Variants in IGFN1 observed in about 807,000 individuals in gnomAD.
The protein encoded by IGFN1 is immunoglobulin-like and fibronectin type III domain-containing protein 1.
In IGFN1, 253 loss-of-function variants were observed where a neutral mutation model predicts 289.5. The ratio of observed to expected loss-of-function variants is 0.87; its 90% CI spans 0.79 to 0.97. The LOEUF (loss-of-function observed/expected upper bound fraction) is 0.97. Ranked by LOEUF, IGFN1 falls within the 50% of genes least tolerant of loss-of-function variation. IGFN1 has a pLI of 0.00. For missense variants in IGFN1, 4,470 were observed against 4,686.1 expected, an observed-to-expected ratio of 0.95 and a Z score of 1.35; for synonymous variants, 1,706 against 1,788.5, an observed-to-expected ratio of 0.95 and a Z score of 1.16.
At chr1:201,193,077 C>G (rs1442163534) in intron 1 of IGFN1, among the ~76,000 whole-genome samples, 170 bp from the exon 2 acceptor site, 1 of 152,050 alleles carries the variant, frequency 6.6e-6, no homozygotes, top group African/African-American at 2.4e-5. Context: ...TTGCTGGGGA[C>G]AGGGAATTGC....
chr1:201,195,186 C>T (rs1256061098), intron 3 of IGFN1, among the ~76,000 whole-genome samples: 2 of 151,608 alleles, frequency 1.3e-5, no homozygotes, highest in Non-Finnish European at 2.9e-5. Flanking sequence ...GAGTCTCGCT[C>T]TGTTGCCCAG....
chr1:201,215,896 C>T, intron 15 of IGFN1, 58 bp downstream of exon 15: 1 of 1,536,420 alleles, frequency 6.5e-7, no homozygotes, highest in Non-Finnish European at 8.9e-7. Flanking sequence ...TCTGGGCCCT[C>T]CCTGCCATCA....
At chr1:201,217,556 C>A in intron 17 of IGFN1, 96 bp downstream of exon 17, 1 of 1,331,178 alleles carries the variant, frequency 7.5e-7, no homozygotes, top group South Asian at 1.4e-5. Flanking sequence ...TACAGTCGTT[C>A]TCGTCTAGGG....
intron 8 of IGFN1, 122 bp from the exon 9 acceptor site, chr1:201,201,597 G>A: frequency 1.7e-6 from 1 of 595,426 alleles, no homozygotes; most frequent in East Asian, 2.8e-5. Context: ...TGTAAAAGGG[G>A]CCAATGCATG....
Position 201,206,276 on chromosome 1 carries a change from C to T in IGFN1, c.1383C>T (p.Asp461=). 1 of 1,548,842 alleles carries T rather than the reference C, an allele frequency of 6.5e-7. No homozygotes were observed. The highest frequency in any genetic ancestry group is 8.7e-7 in the Non-Finnish European group (1 of 1,145,938). ...ASGLQHIASP[D]RDGLGRHGYS... Reference sequence around the variant, plus strand: ...GGCTCCAGCACATAGCCAGCCCAGACAGGGATGGCCTTGGCAGACATGGCT... The same window carrying T: ...GGCTCCAGCACATAGCCAGCCCAGATAGGGATGGCCTTGGCAGACATGGCT... Residue 461 remains aspartate (D), a synonymous_variant, in exon 12 of 24, where the codon GAC becomes GAT. Transcript: ENST00000335211.
At position 201,194,145 on chromosome 1, in the gene IGFN1, A is replaced by G. The variant is rs2102315058; in HGVS notation, c.8-9A>G. 2 of 1,551,298 alleles carry G rather than the reference A, an allele frequency of 1.3e-6. No homozygotes were observed. Among genetic ancestry groups the G allele is most frequent in the South Asian group, 2.4e-5 (2 of 84,046 alleles). ...AAGGCCCCATCTCCTTCCCTCCTGCATTCTCCAGGAAAGCTCCGGAAGTCC... is the reference window on the plus strand; with the variant it reads ...AAGGCCCCATCTCCTTCCCTCCTGCGTTCTCCAGGAAAGCTCCGGAAGTCC... On this transcript the variant is annotated splice_polypyrimidine_tract_variant and intron_variant, in intron 2 of 23. Coordinates refer to ENST00000335211, the MANE Select transcript of IGFN1 (RefSeq NM_001164586.2).
chr1:201,208,010 T>A lies in IGFN1; in HGVS notation c.3117T>A (p.Leu1039=). The change falls in exon 12 of 24, where the codon CTT becomes CTA. Residue 1039 remains leucine, a synonymous_variant. Coordinates refer to ENST00000335211, the MANE Select transcript of IGFN1 (RefSeq NM_001164586.2). ...AGGGSGRVAS[L]KNGSGGPDGA... ...GAGGGTCTGGGAGAGTTGCCAGTCT[T>A]AAAAATGGCTCAGGTGGTCCTGATG... 2 of 1,536,736 alleles carry A rather than the reference T, an allele frequency of 1.3e-6. No individual in the cohort carries two copies. The highest frequency in any genetic ancestry group is 1.7e-6 in the Non-Finnish European group (2 of 1,146,802).
chr1:201,195,512 C>A (rs1446240859), intron 3 of IGFN1, among the ~76,000 whole-genome samples: 1 of 152,180 alleles, frequency 6.6e-6, no homozygotes, highest in Non-Finnish European at 1.5e-5. Flanking sequence ...TCCTTGCTCA[C>A]CCACTCTCAA....
Position 201,218,648 on chromosome 1 carries a change from G to A in IGFN1, c.9888G>A (p.Arg3296=). 1 of 1,605,212 alleles carries A rather than the reference G, an allele frequency of 6.2e-7. No individual in the cohort carries two copies. Among genetic ancestry groups the A allele is most frequent in the Non-Finnish European group, 8.5e-7 (1 of 1,179,126 alleles). ...PGPPSDAVFA[R]DPMRPPGLVR... ...CTCCATCGGATGCTGTCTTTGCTCG[G>A]GACCCCATGAGTAAGTAGGGCACCA... Residue 3296 remains arginine (R), a synonymous_variant, in exon 18 of 24, where the codon CGG becomes CGA. Coordinates refer to ENST00000335211, the MANE Select transcript of IGFN1 (RefSeq NM_001164586.2).
At position 201,211,531 on chromosome 1, in the gene IGFN1, G is replaced by A. The variant is rs1359599457; in HGVS notation, c.6638G>A (p.Gly2213Asp). Residue 2213 changes from glycine to aspartate, a missense_variant, in exon 12 of 24, where the codon GGT becomes GAT. Around this residue, in one of 8 missense-constraint regions of IGFN1, gnomAD observed 2,218 missense variants for 2,114.1 expected, o/e 1.05. Transcript: ENST00000335211. ...GAAATGGGGTCAGTGAATAAGGCAGGTTATAGGAAGGATTTGGGGGCTCCT... is the reference window on the plus strand; with the variant it reads ...GAAATGGGGTCAGTGAATAAGGCAGATTATAGGAAGGATTTGGGGGCTCCT... ...SEEMGSVNKA[G>D]YRKDLGAPKG... 6.6e-7 allele frequency: 1 copy of A among 1,521,832 alleles called. No homozygotes were observed. Among genetic ancestry groups the A allele is most frequent in the African/African-American group, 1.4e-5 (1 of 71,912 alleles). The allele number at this position is 1,521,832 out of a possible 1,614,324, so 94.3% of individuals were successfully genotyped here.
chr1:201,206,895 A>C lies in IGFN1; in HGVS notation c.2002A>C (p.Asn668His). 1 of 1,536,260 alleles carries C rather than the reference A, an allele frequency of 6.5e-7. No individual in the cohort carries two copies. Among genetic ancestry groups the C allele is most frequent in the Non-Finnish European group, 8.7e-7 (1 of 1,146,468 alleles). ...GTGLGEAGDS[N>H]GAGGPGTLEL... ...TGGCCTGGGAGAAGCTGGAGACAGC[A>C]ATGGGGCAGGAGGTCCTGGCACCCT... The change falls in exon 12 of 24, where the codon AAT becomes CAT. Residue 668 changes from asparagine to histidine, a missense_variant. Asn to His is a moderately conservative substitution (Grantham distance 68). This residue lies in a region of IGFN1 where 2,011 missense variants were observed against 1,953.4 expected (regional missense o/e 1.03). Coordinates refer to ENST00000335211, the MANE Select transcript of IGFN1 (RefSeq NM_001164586.2).
intron 1 of IGFN1, 102 bp downstream of exon 1, chr1:201,191,009 A>G (rs45525832): frequency 0.013 from 2,032 of 152,460 alleles, 22 homozygotes; most frequent in Non-Finnish European, 0.022. Flanking sequence ...AGGGGCAGGC[A>G]GTGGGCAGGA....
rs776831060 is a variant in IGFN1, at chr1:201,224,893, T to C, written c.10486+19T>C. 1 of 1,600,866 alleles carries C rather than the reference T, an allele frequency of 6.2e-7. No homozygotes were observed. ...GTGGCAGGTGAGGCAGGCCTTGCTCTGGGCTCTGGACGCTGGCTCGGCCAC... is the reference window on the plus strand; with the variant it reads ...GTGGCAGGTGAGGCAGGCCTTGCTCCGGGCTCTGGACGCTGGCTCGGCCAC... On this transcript the variant is annotated intron_variant, in intron 21 of 23. Transcript: ENST00000335211.
rs755448825 is a variant in IGFN1 at position 201,226,001 on chromosome 1, G to A, written c.10664G>A (p.Arg3555His). ...HEAADRIHTN[R>H]FTLLGILPGH... ...GCAGCCGACCGCATCCACACCAACC[G>A]CTTCACCCTCCTGGGCATCCTCCCC... is the stretch of plus-strand genomic sequence containing the variant. The change falls in exon 22 of 24, where the codon CGC becomes CAC. Residue 3555 changes from arginine to histidine, a missense_variant. Physicochemically the swap from Arg to His is conservative, Grantham distance 29. Around this residue, in one of 8 missense-constraint regions of IGFN1, gnomAD observed 2,218 missense variants for 2,114.1 expected, o/e 1.05. Transcript: ENST00000335211. The A allele has an allele frequency of 1.1e-5, 17 of 1,577,402 alleles. No individual in the cohort carries two copies. The highest frequency in any genetic ancestry group is 2.3e-5 in the East Asian group (1 of 43,570).
Position 201,213,349 on chromosome 1 carries a change from C to T in IGFN1, c.8456C>T (p.Ser2819Phe). ...GRRPGSLRSRSQAQSGAEVGG... is the reference protein window; with the variant it reads ...GRRPGSLRSRFQAQSGAEVGG... Reference sequence around the variant, plus strand: ...AGGCCTGGCTCACTCAGGAGCAGGTCTCAGGCACAGTCAGGGGCTGAGGTT... The same window carrying T: ...AGGCCTGGCTCACTCAGGAGCAGGTTTCAGGCACAGTCAGGGGCTGAGGTT... The change falls in exon 12 of 24, where the codon TCT (serine) becomes TTT (phenylalanine). Residue 2819 changes from serine (S) to phenylalanine (F), a missense_variant. By Grantham distance (155) the Ser-to-Phe change is radical. This residue lies in a region of IGFN1 where 2,218 missense variants were observed against 2,114.1 expected (regional missense o/e 1.05). Coordinates refer to ENST00000335211, the MANE Select transcript of IGFN1 (RefSeq NM_001164586.2). 1 of 1,607,060 alleles carries T rather than the reference C, an allele frequency of 6.2e-7. No individual in the cohort carries two copies. Among genetic ancestry groups the T allele is most frequent in the Non-Finnish European group, 8.5e-7 (1 of 1,176,670 alleles).
At chr1:201,196,894 G>A (rs969731551) in intron 4 of IGFN1, among the ~76,000 whole-genome samples, 1 of 152,170 alleles carries the variant, frequency 6.6e-6, no homozygotes, top group Non-Finnish European at 1.5e-5. Context: ...AACTGAAGTT[G>A]AGAGAAGTTA....
At chr1:201,220,168 TTCTATCCCTTTCTTTC>T (rs1465657489) in intron 18 of IGFN1, among the ~76,000 whole-genome samples, 1 of 80,880 alleles carries the variant, frequency 1.2e-5, no homozygotes, top group East Asian at 4.0e-4. Context: ...CCTCTCTTCT[TTCTATCCCTTTCTTTC>T]TCTCTCTCTC....
chr1:201,226,024 C>T lies in IGFN1; in HGVS notation c.10687C>T (p.Pro3563Ser), dbSNP rs1185896687. 1.9e-6 allele frequency: 3 copies of T among 1,584,242 alleles called. No homozygotes were observed. The South Asian group carries it at 3.5e-5, about 18-fold the overall frequency. The stretch of plus-strand genomic sequence containing the variant: ...CCGCTTCACCCTCCTGGGCATCCTC[C>T]CCGGCCACGAATACCACTTCAGGGT... ...TNRFTLLGIL[P>S]GHEYHFRVVA... Residue 3563 changes from proline (P) to serine (S), a missense_variant, in exon 22 of 24, where the codon CCC becomes TCC. By Grantham distance (74) the Pro-to-Ser change is moderately conservative. Around this residue, in one of 8 missense-constraint regions of IGFN1, gnomAD observed 2,218 missense variants for 2,114.1 expected, o/e 1.05. Transcript: ENST00000335211.
Position 201,216,585 on chromosome 1 carries a change from G to C in IGFN1, c.9427G>C (p.Ala3143Pro). The C allele has an allele frequency of 4.3e-6, 7 of 1,613,748 alleles. No homozygotes were observed. The South Asian group carries it at 5.5e-5, about 13-fold the overall frequency. Residue 3143 changes from alanine to proline, a missense_variant, in exon 16 of 24, where the codon GCT (alanine) becomes CCT (proline). By Grantham distance (27) the Ala-to-Pro change is conservative. This residue lies in a region of IGFN1 where 2,218 missense variants were observed against 2,114.1 expected (regional missense o/e 1.05). Coordinates refer to ENST00000335211, the MANE Select transcript of IGFN1 (RefSeq NM_001164586.2). ...GTGCTACGTGGTGGAGAGACGGCAGGCTGGCAGGAGCACTTGGCTGAAGGT... is the reference window on the plus strand; with the variant it reads ...GTGCTACGTGGTGGAGAGACGGCAGCCTGGCAGGAGCACTTGGCTGAAGGT... ...VECYVVERRQ[A>P]GRSTWLKVGE...
Sources: gnomAD v4.1 joint callset for allele counts (sites outside exome capture counted in the v4.1 genomes callset) on GRCh38, gnomAD v4.1.1 for gene constraint, gnomAD v4.1.1 regional missense constraint, MANE v1.5 for transcripts, NCBI Gene and HGNC (gene_info 2026-07-23, HGNC 2026-07-21) for gene names.